Variants in RALGPS1 observed in about 807,000 individuals in gnomAD.
RALGPS1 encodes Ral GEF with PH domain and SH3 binding motif 1.
RALGPS1 carries 19 observed loss-of-function variants against 78.8 expected under a neutral mutation model. The ratio of observed to expected loss-of-function variants is 0.24; its 90% CI spans 0.17 to 0.35. The LOEUF is 0.35. Among genes scored for constraint, RALGPS1 ranks in the 10% least tolerant of loss-of-function variants. RALGPS1 has a pLI of 1.00. For synonymous variants in RALGPS1, 228 were observed against 256.3 expected (o/e 0.89, Z 1.06); for missense variants, 454 against 688.3 (o/e 0.66, Z 3.81).
intron 4 of RALGPS1, among the ~76,000 whole-genome samples, chr9:127,014,429 C>T (rs536886348): frequency 1.3e-5 from 2 of 152,264 alleles, no homozygotes; most frequent in South Asian, 2.1e-4. Flanking sequence ...TGTTCCACTG[C>T]GTAGCCATTG....
intron 14 of RALGPS1, among the ~76,000 whole-genome samples, chr9:127,206,428 A>G (rs1296477960): frequency 6.6e-6 from 1 of 152,212 alleles, no homozygotes. Flanking sequence ...GTTCTTCTTC[A>G]TATGGTGGTA....
intron 3 of RALGPS1, 110 bp from the exon 4 acceptor site, chr9:126,977,585 C>A: frequency 1.5e-6 from 1 of 656,048 alleles, no homozygotes; most frequent in Non-Finnish European, 2.4e-6. Context: ...TGTTTTTTAT[C>A]TCAAAGGGGA....
chr9:127,155,911 T>C (rs1335424691), intron 8 of RALGPS1, among the ~76,000 whole-genome samples: 1 of 147,748 alleles, frequency 6.8e-6, no homozygotes, highest in Non-Finnish European at 1.5e-5. Context: ...TTTTTTTTTT[T>C]ACTTCTAAAA....
chr9:127,179,582 A>G (rs925512919), intron 11 of RALGPS1, among the ~76,000 whole-genome samples: 2 of 152,202 alleles, frequency 1.3e-5, no homozygotes, highest in Non-Finnish European at 2.9e-5. Context: ...GCCCTAAGAC[A>G]TGTTCATTCA....
intron 2 of RALGPS1, among the ~76,000 whole-genome samples, chr9:126,963,239 T>C (rs2039086426): frequency 6.6e-6 from 1 of 152,182 alleles, no homozygotes; most frequent in South Asian, 2.1e-4. Context: ...AAAGTTATAA[T>C]ACCCGAAATC....
At chr9:127,139,971 C>A (rs748526295) in intron 8 of RALGPS1, among the ~76,000 whole-genome samples, 5 of 152,226 alleles carry the variant, frequency 3.3e-5, no homozygotes, top group African/African-American at 4.8e-5. Flanking sequence ...CCGCTCATGG[C>A]ATGTGTCCAC....
chr9:127,167,783 G>T (rs1039801957), intron 9 of RALGPS1, among the ~76,000 whole-genome samples: 1 of 152,144 alleles, frequency 6.6e-6, no homozygotes, highest in Non-Finnish European at 1.5e-5. Context: ...GTCCTTCCTC[G>T]CCCTCTTTTC....
At chr9:127,088,715 G>C in intron 8 of RALGPS1, 1 of 593,794 alleles carries the variant, frequency 1.7e-6, no homozygotes, top group Non-Finnish European at 3.0e-6. Context: ...TCCTGTCCTG[G>C]AGACATGAGG....
At chr9:127,140,293 T>C (rs759609738) in intron 8 of RALGPS1, among the ~76,000 whole-genome samples, 3 of 152,234 alleles carry the variant, frequency 2.0e-5, no homozygotes, top group South Asian at 2.1e-4. Flanking sequence ...GGACGTGCTG[T>C]GGCTGCCCAT....
chr9:127,150,991 G>A (rs1187083868), intron 8 of RALGPS1, among the ~76,000 whole-genome samples: 2 of 152,098 alleles, frequency 1.3e-5, no homozygotes, highest in African/African-American at 4.8e-5. Flanking sequence ...AGACCATCCT[G>A]GCCAACATGG....
At chr9:127,123,440 CTG>C (rs1320210472) in intron 8 of RALGPS1, among the ~76,000 whole-genome samples, 4 of 152,234 alleles carry the variant, frequency 2.6e-5, no homozygotes, top group Non-Finnish European at 4.4e-5. Context: ...AGCGAGGACT[CTG>C]TGAGGTCACG....
chr9:127,179,803 G>A (rs1237148081), intron 11 of RALGPS1, among the ~76,000 whole-genome samples: 4 of 152,152 alleles, frequency 2.6e-5, no homozygotes, highest in Non-Finnish European at 4.4e-5. Flanking sequence ...TCTAGGCAGC[G>A]CCCACGCCTC....
intron 8 of RALGPS1, among the ~76,000 whole-genome samples, chr9:127,164,821 C>T (rs995731406): frequency 4.0e-5 from 6 of 151,356 alleles, no homozygotes; most frequent in African/African-American, 1.5e-4. Context: ...ATTACAGGCG[C>T]GAGCCACTAT....
intron 2 of RALGPS1, 114 bp from the exon 3 acceptor site, chr9:126,965,730 A>T (rs1051749698): frequency 1.3e-6 from 1 of 749,686 alleles, no homozygotes; most frequent in East Asian, 2.5e-5. Flanking sequence ...AATAGAAGCC[A>T]TTTTTTATTG....
At position 127,037,540 on chromosome 9, in the gene RALGPS1, A is replaced by C. The variant is rs1011405148; in HGVS notation, c.300+3026A>C. 1.9e-4 allele frequency among the ~76,000 whole-genome samples: 29 copies of C among 152,246 alleles called. 1 individual carries two copies. Among genetic ancestry groups the C allele is most frequent in the Admixed American group, 6.5e-5 (1 of 15,288 alleles). ...TTATGTATAATAACTAAATCTAGGG[A>C]GATACTGACTTCAAATATTGCTGAA... is the stretch of plus-strand genomic sequence containing the variant. On this transcript the variant is annotated intron_variant, in intron 5 of 18. Coordinates refer to ENST00000259351, the MANE Select transcript of RALGPS1 (RefSeq NM_014636.3).
chr9:127,021,025 T>C (rs1465192111), intron 4 of RALGPS1, among the ~76,000 whole-genome samples: 1 of 152,218 alleles, frequency 6.6e-6, no homozygotes, highest in East Asian at 1.9e-4. Flanking sequence ...GTTATTGTTT[T>C]TATTGTCATT....
intron 1 of RALGPS1, among the ~76,000 whole-genome samples, chr9:126,961,063 C>G (rs1020172685): frequency 2.6e-5 from 4 of 152,204 alleles, no homozygotes; most frequent in Non-Finnish European, 2.9e-5. Flanking sequence ...TCCCAACTCC[C>G]TCCTTACTCT....
intron 7 of RALGPS1, 121 bp from the exon 8 acceptor site, chr9:127,069,109 C>A: frequency 1.0e-6 from 1 of 983,942 alleles, no homozygotes; most frequent in Non-Finnish European, 1.5e-6. Context: ...TAGTTCTGTC[C>A]AGGATTCGGC....
chr9:127,166,439 T>C (rs555056059), intron 9 of RALGPS1, among the ~76,000 whole-genome samples: 1 of 152,336 alleles, frequency 6.6e-6, no homozygotes, highest in African/African-American at 2.4e-5. Context: ...GAAAACAGTT[T>C]AGTCACTTGT....
Sources: gnomAD v4.1 joint callset for allele counts (sites outside exome capture counted in the v4.1 genomes callset) on GRCh38, gnomAD v4.1.1 for gene constraint, MANE v1.5 for transcripts, NCBI Gene and HGNC (gene_info 2026-07-23, HGNC 2026-07-21) for gene names.